SPSB1: variants seen among roughly 807,000 people sequenced by gnomAD.
SPSB1 encodes splA/ryanodine receptor domain and SOCS box containing 1.
A neutral mutation model predicts 21.2 loss-of-function variants in SPSB1; 8 were observed. The observed-to-expected ratio is 0.38, with a 90% CI of 0.22 to 0.68. The LOEUF (loss-of-function observed/expected upper bound fraction) is 0.68, where lower values mean the gene tolerates loss of function less well. Among genes scored for constraint, SPSB1 ranks in the 30% least tolerant of loss-of-function variants. The pLI, the probability that SPSB1 is intolerant of heterozygous loss-of-function variation, is 0.53. For synonymous variants in SPSB1, 169 were observed against 161.7 expected (o/e 1.05, Z -0.34); for missense variants, 242 against 377.8 (o/e 0.64, Z 2.98).
At chr1:9,337,207 A>G (rs1227423381) in intron 1 of SPSB1, among the ~76,000 whole-genome samples, 2 of 152,140 alleles carry the variant, frequency 1.3e-5, no homozygotes, top group Non-Finnish European at 2.9e-5. Flanking sequence ...TTACCAGCAC[A>G]TCAGAGTCAG....
intron 1 of SPSB1, chr1:9,351,627 C>G (rs545966704): frequency 1.3e-5 from 2 of 152,316 alleles, no homozygotes; most frequent in African/African-American, 4.8e-5. Context: ...AGTCCAGCTC[C>G]TGGGGACCCG....
At chr1:9,328,415 C>T (rs559078246) in intron 1 of SPSB1, among the ~76,000 whole-genome samples, 8 of 152,288 alleles carry the variant, frequency 5.3e-5, no homozygotes, top group Admixed American at 1.3e-4. Context: ...GATGCTGATG[C>T]GTTTGTGACT....
chr1:9,323,977 GGT>G (rs1186080520), intron 1 of SPSB1, among the ~76,000 whole-genome samples: 7 of 152,328 alleles, frequency 4.6e-5, no homozygotes, highest in African/African-American at 1.7e-4. Flanking sequence ...ACCCGGAGGA[GGT>G]GGGCCACTTG....
chr1:9,344,202 C>T (rs1640135660), intron 1 of SPSB1, among the ~76,000 whole-genome samples: 2 of 152,240 alleles, frequency 1.3e-5, no homozygotes, highest in Admixed American at 1.3e-4. Context: ...GGTTCTCAAT[C>T]TCTGGCCTCA....
chr1:9,299,222 T>C (rs1305500605), intron 1 of SPSB1, among the ~76,000 whole-genome samples: 3 of 152,188 alleles, frequency 2.0e-5, no homozygotes, highest in Non-Finnish European at 4.4e-5. Flanking sequence ...GCAGAAGCAG[T>C]TTGCATCCAG....
chr1:9,299,260 G>A (rs926792629), intron 1 of SPSB1, among the ~76,000 whole-genome samples: 1 of 152,194 alleles, frequency 6.6e-6, no homozygotes, highest in Non-Finnish European at 1.5e-5. Context: ...GCCCCTTGGC[G>A]GTCTGGGCTG....
chr1:9,314,552 C>A (rs1639578546), intron 1 of SPSB1, among the ~76,000 whole-genome samples: 1 of 152,212 alleles, frequency 6.6e-6, no homozygotes, highest in Admixed American at 6.5e-5. Flanking sequence ...GAGAGCAAGA[C>A]CCCAGATATT....
rs1333661530 is a variant in SPSB1, at chr1:9,293,526, G to A, written c.-150+455G>A. On this transcript the variant is annotated intron_variant, in intron 1 of 2. Coordinates refer to ENST00000328089, the MANE Select transcript of SPSB1 (RefSeq NM_025106.4). This position sits in a 1 kb window ranked among gnomAD's most constrained non-coding sequence, Gnocchi z 5.1. ...CCCGCCAGTCCGAGTCGGGATTGGC[G>A]GCGCGGCCCGGTCCCCCGTCGGGGC... 1.3e-5 allele frequency among the ~76,000 whole-genome samples: 2 copies of A among 151,880 alleles called. No homozygotes were observed. Among genetic ancestry groups the A allele is most frequent in the Non-Finnish European group, 2.9e-5 (2 of 67,908 alleles).
intron 1 of SPSB1, among the ~76,000 whole-genome samples, chr1:9,308,626 G>A (rs1360413700): frequency 1.3e-5 from 2 of 152,230 alleles, no homozygotes; most frequent in South Asian, 2.1e-4. Flanking sequence ...GATTGAATGT[G>A]TGCCATGAGC....
At position 9,363,331 on chromosome 1, in the gene SPSB1, G is replaced by A. The variant is rs1404011791; in HGVS notation, c.695-4117G>A. Among the ~76,000 whole-genome samples the A allele has an allele frequency of 6.6e-6, 1 of 152,056 alleles. No homozygotes were observed. Among genetic ancestry groups the A allele is most frequent in the Non-Finnish European group, 1.5e-5 (1 of 68,004 alleles). On this transcript the variant is annotated intron_variant, in intron 2 of 2. Coordinates refer to ENST00000328089, the MANE Select transcript of SPSB1 (RefSeq NM_025106.4). The surrounding 1 kb of genome is among the most constrained non-coding windows in gnomAD (Gnocchi z 4.5). Reference sequence around the variant, plus strand: ...TTTCAGCTCATAACACATCACTGCAGCCATTCACTGCCACTTCTCTAGCCC... The same window carrying A: ...TTTCAGCTCATAACACATCACTGCAACCATTCACTGCCACTTCTCTAGCCC...
At position 9,299,476 on chromosome 1, in the gene SPSB1, C is replaced by T. The variant is rs187658136; in HGVS notation, c.-150+6405C>T. On this transcript the variant is annotated intron_variant, in intron 1 of 2. Coordinates refer to ENST00000328089, the MANE Select transcript of SPSB1 (RefSeq NM_025106.4). ...CAACACAGTGAGACGTCATCTCTCT[C>T]TCTCTCTCTCTCTTTTTTTGAGATG... is the stretch of plus-strand genomic sequence containing the variant. Among the ~76,000 whole-genome samples the T allele has an allele frequency of 3.9e-5, 6 of 152,134 alleles. No homozygotes were observed. The East Asian group carries it at 1.2e-3, about 29-fold the overall frequency.
At chr1:9,347,025 C>A (rs188038450) in intron 1 of SPSB1, among the ~76,000 whole-genome samples, 1 of 152,318 alleles carries the variant, frequency 6.6e-6, no homozygotes, top group East Asian at 1.9e-4. Flanking sequence ...TATTTAAATA[C>A]CCTTCTGCCA....
At chr1:9,341,817 C>T (rs529142680) in intron 1 of SPSB1, among the ~76,000 whole-genome samples, 1 of 152,338 alleles carries the variant, frequency 6.6e-6, no homozygotes, top group East Asian at 1.9e-4. Flanking sequence ...ATTCTCCTGC[C>T]TCAGCCTCCT....
intron 1 of SPSB1, among the ~76,000 whole-genome samples, chr1:9,322,383 G>C (rs1468516263): frequency 2.0e-5 from 3 of 152,174 alleles, no homozygotes; most frequent in African/African-American, 7.2e-5. Flanking sequence ...CAGCTCCAAA[G>C]TCCGTGCCTC....
intron 1 of SPSB1, among the ~76,000 whole-genome samples, chr1:9,329,477 C>T (rs769440436): frequency 1.3e-5 from 2 of 151,950 alleles, no homozygotes; most frequent in Non-Finnish European, 2.9e-5. Flanking sequence ...TGGGCATGGC[C>T]ACCCATCAGA....
chr1:9,325,098 C>T (rs1471911158), intron 1 of SPSB1, among the ~76,000 whole-genome samples: 1 of 152,210 alleles, frequency 6.6e-6, no homozygotes, highest in Non-Finnish European at 1.5e-5. Flanking sequence ...CTCCAGAGCT[C>T]AGCACGTGGA....
In SPSB1 at chr1:9,346,721, C is replaced by T. The variant is rs964260598; in HGVS notation, c.-149-9022C>T. Among the ~76,000 whole-genome samples the T allele has an allele frequency of 3.3e-5, 5 of 152,142 alleles. No individual in the cohort carries two copies. The highest frequency in any genetic ancestry group is 1.2e-4 in the African/African-American group (5 of 41,440). Reference sequence around the variant, plus strand: ...CTCCTCACCTCCTCCTCTTCCCTGGCGTTGGTCTATCAGGGGTGGAACAGC... The same window carrying T: ...CTCCTCACCTCCTCCTCTTCCCTGGTGTTGGTCTATCAGGGGTGGAACAGC... On this transcript the variant is annotated intron_variant, in intron 1 of 2. Coordinates refer to ENST00000328089, the MANE Select transcript of SPSB1 (RefSeq NM_025106.4). This position sits in a 1 kb window ranked among gnomAD's most constrained non-coding sequence, Gnocchi z 4.4.
rs184702026 is a variant in SPSB1 at position 9,316,362 on chromosome 1, G to A, written c.-150+23291G>A. On this transcript the variant is annotated intron_variant, in intron 1 of 2. Coordinates refer to ENST00000328089, the MANE Select transcript of SPSB1 (RefSeq NM_025106.4). ...GGCAGAGGTGAGAGACAGCCCCTGG[G>A]GCACAAGGGAGGGGCATGTGTGCAC... 2.6e-4 allele frequency among the ~76,000 whole-genome samples: 40 copies of A among 152,310 alleles called. No homozygotes were observed. The South Asian group carries it at 7.3e-3, about 28-fold the overall frequency.
In SPSB1 at chr1:9,346,944, G is replaced by C. The variant is rs1262031912; in HGVS notation, c.-149-8799G>C. Among the ~76,000 whole-genome samples the C allele has an allele frequency of 2.6e-5, 4 of 152,212 alleles. No individual in the cohort carries two copies. Among genetic ancestry groups the C allele is most frequent in the Admixed American group, 2.6e-4 (4 of 15,282 alleles). ...TTGAAACAGTATAATCGGAAGTCTTGGGATAGATCACTGTAGAAATAATGT... is the reference window on the plus strand; with the variant it reads ...TTGAAACAGTATAATCGGAAGTCTTCGGATAGATCACTGTAGAAATAATGT... On this transcript the variant is annotated intron_variant, in intron 1 of 2. Transcript: ENST00000328089. This position sits in a 1 kb window ranked among gnomAD's most constrained non-coding sequence, Gnocchi z 4.4.
Sources: allele counts gnomAD v4.1 joint callset (sites outside exome capture counted in the v4.1 genomes callset), GRCh38; gene constraint gnomAD v4.1.1; non-coding constraint Gnocchi (gnomAD v3.1); transcripts MANE v1.5; gene names NCBI Gene and HGNC (gene_info 2026-07-23, HGNC 2026-07-21).